Variants in CUL3 observed in about 807,000 individuals in gnomAD.
CUL3 encodes the protein cullin 3, also known as cullin-3.
In CUL3, 19 loss-of-function variants were observed where a neutral mutation model predicts 89.1. The observed-to-expected ratio is 0.21, with a 90% CI of 0.15 to 0.31. The LOEUF is 0.31. Ranked by LOEUF, CUL3 falls within the 10% of genes least tolerant of loss-of-function variation. The pLI, the probability that CUL3 is intolerant of heterozygous loss-of-function variation, is 1.00. For missense variants in CUL3, 469 were observed against 942.3 expected (o/e 0.50, Z 6.58); for synonymous variants, 351 against 308.4 (o/e 1.14, Z -1.45).
In CUL3 at chr2:224,528,444, A is replaced by G. The variant is rs1489680131; in HGVS notation, c.378+7084T>C. ...CCAGGATAATCTCATCTAAAAATCCATAACATAATCACATCTGCAAAGTCC... is the reference window on the plus strand; with the variant it reads ...CCAGGATAATCTCATCTAAAAATCCGTAACATAATCACATCTGCAAAGTCC... On this transcript the variant is annotated intron_variant, in intron 3 of 15. Coordinates refer to ENST00000264414, the MANE Select transcript of CUL3 (RefSeq NM_003590.5). Among the ~76,000 whole-genome samples the G allele has an allele frequency of 2.0e-5, 3 of 152,224 alleles. No homozygotes were observed. The East Asian group carries it at 5.8e-4, about 29-fold the overall frequency.
intron 3 of CUL3, among the ~76,000 whole-genome samples, chr2:224,532,053 T>G (rs909286798): frequency 2.0e-5 from 3 of 152,226 alleles, no homozygotes; most frequent in African/African-American, 7.2e-5. Context: ...GGTTTCAGTA[T>G]GATAGTGATT....
intron 6 of CUL3, among the ~76,000 whole-genome samples, chr2:224,509,219 C>T (rs1424010042): frequency 2.6e-5 from 4 of 151,954 alleles, no homozygotes; most frequent in African/African-American, 9.7e-5. Flanking sequence ...AACCCCCCCA[C>T]CTTTTTTTTC....
chr2:224,482,894 ATCTG>A (rs1167721314), intron 13 of CUL3, among the ~76,000 whole-genome samples: 1 of 152,164 alleles, frequency 6.6e-6, no homozygotes, highest in Non-Finnish European at 1.5e-5. Flanking sequence ...GTATACAGCT[ATCTG>A]TCTCTTTCTC....
chr2:224,557,523 T>G (rs1024139347), intron 2 of CUL3, 136 bp downstream of exon 2: 39 of 143,074 alleles, frequency 2.7e-4, no homozygotes, highest in Non-Finnish European at 2.6e-4. Flanking sequence ...TGAGTGCTTA[T>G]TAACAGTCAC....
intron 1 of CUL3, among the ~76,000 whole-genome samples, chr2:224,574,616 GC>G (rs1695258719): frequency 6.6e-6 from 1 of 152,110 alleles, no homozygotes; most frequent in Non-Finnish European, 1.5e-5. Context: ...CACTTCCTAG[GC>G]CTCCTGGGTC....
chr2:224,486,262 GTT>G (rs1168522563), intron 13 of CUL3, among the ~76,000 whole-genome samples: 1 of 152,156 alleles, frequency 6.6e-6, no homozygotes, highest in African/African-American at 2.4e-5. Flanking sequence ...TGGAGAATGA[GTT>G]TGACAAACTG....
At chr2:224,505,889 A>T in intron 8 of CUL3, 67 bp downstream of exon 8, 2 of 1,070,096 alleles carry the variant, frequency 1.9e-6, no homozygotes, top group Non-Finnish European at 2.6e-6. Flanking sequence ...GAAATGTCCT[A>T]ATTTTACATA....
chr2:224,526,817 C>T (rs904479466), intron 3 of CUL3, among the ~76,000 whole-genome samples: 1 of 74,574 alleles, frequency 1.3e-5, no homozygotes. Flanking sequence ...ACTAAGTCTC[C>T]AAAAAAAAAA....
At chr2:224,496,084 G>T in intron 12 of CUL3, 118 bp from the exon 13 acceptor site, 1 of 1,104,050 alleles carries the variant, frequency 9.1e-7, no homozygotes, top group Non-Finnish European at 1.3e-6. Flanking sequence ...AGGCTACAGT[G>T]CAGTGGCGCA....
intron 13 of CUL3, among the ~76,000 whole-genome samples, chr2:224,488,470 A>G (rs529081787): frequency 6.6e-6 from 1 of 152,344 alleles, no homozygotes; most frequent in African/African-American, 2.4e-5. Flanking sequence ...AACTACCATC[A>G]GGGAATACTA....
Position 224,472,113 on chromosome 2 carries a change from A to C in CUL3, c.*2132T>G. On this transcript the variant is annotated 3_prime_UTR_variant, in exon 16 of 16. Transcript: ENST00000264414. Reference sequence around the variant, plus strand: ...TTCAGTGCAGCATCACATCGCCAGCAATCTCCAACCATTCAACTGCAATTC... The same window carrying C: ...TTCAGTGCAGCATCACATCGCCAGCCATCTCCAACCATTCAACTGCAATTC... The C allele has an allele frequency of 4.3e-6, 1 of 229,902 alleles. No individual in the cohort carries two copies. 14.2% of individuals were successfully genotyped at this position (229,902 alleles called of 1,614,324 possible). A position where few individuals can be genotyped will look rare whatever the true frequency, so the allele number is the denominator to read the frequency against.
At chr2:224,563,527 T>C (rs1694966662) in intron 1 of CUL3, among the ~76,000 whole-genome samples, 1 of 152,184 alleles carries the variant, frequency 6.6e-6, no homozygotes, top group Non-Finnish European at 1.5e-5. Context: ...GAAGATAAAC[T>C]ACAACAGTCC....
At chr2:224,574,840 A>G (rs563782869) in intron 1 of CUL3, among the ~76,000 whole-genome samples, 11 of 152,350 alleles carry the variant, frequency 7.2e-5, no homozygotes, top group Non-Finnish European at 1.5e-4. Flanking sequence ...AAACAAACTT[A>G]AAGAGTCTGT....
In CUL3 at chr2:224,585,098, C is replaced by G. The variant is rs1460387352; in HGVS notation, c.-89G>C. Reference sequence around the variant, plus strand: ...AGGCGGGCAGGCAGGCTAGGGGCGACGCTGGGGGCGGCGGCGGCGCGACCC... The same window carrying G: ...AGGCGGGCAGGCAGGCTAGGGGCGAGGCTGGGGGCGGCGGCGGCGCGACCC... On this transcript the variant is annotated 5_prime_UTR_variant, in exon 1 of 16. Transcript: ENST00000264414. 9.3e-7 allele frequency: 1 copy of G among 1,080,878 alleles called. No homozygotes were observed. The highest frequency in any genetic ancestry group is 1.2e-6 in the Non-Finnish European group (1 of 814,836). The allele number at this position is 1,080,878 out of a possible 1,614,324, so 67.0% of individuals were successfully genotyped here.
intron 1 of CUL3, 129 bp from the exon 2 acceptor site, chr2:224,557,985 A>T (rs950781480): frequency 1.4e-5 from 8 of 567,028 alleles, no homozygotes; most frequent in African/African-American, 5.6e-5. Flanking sequence ...AATCTATGAC[A>T]CATAAGAACA....
At chr2:224,578,645 C>T (rs1695366012) in intron 1 of CUL3, among the ~76,000 whole-genome samples, 1 of 152,080 alleles carries the variant, frequency 6.6e-6, no homozygotes, top group African/African-American at 2.4e-5. Flanking sequence ...CATGTGTTAA[C>T]TCAGTGATTT....
At chr2:224,527,631 C>T (rs1247267988) in intron 3 of CUL3, among the ~76,000 whole-genome samples, 2 of 152,150 alleles carry the variant, frequency 1.3e-5, no homozygotes, top group Admixed American at 6.5e-5. Context: ...TATAAGCAAA[C>T]CTTGAACCTC....
At chr2:224,504,562 C>A (rs1375025308) in intron 8 of CUL3, among the ~76,000 whole-genome samples, 2 of 152,204 alleles carry the variant, frequency 1.3e-5, no homozygotes, top group Non-Finnish European at 2.9e-5. Context: ...GCCGCCTTTG[C>A]CTCCCAAAGT....
chr2:224,517,650 A>G (rs1268473876), intron 3 of CUL3, among the ~76,000 whole-genome samples: 2 of 152,240 alleles, frequency 1.3e-5, no homozygotes, highest in African/African-American at 4.8e-5. Context: ...TGGATGACAC[A>G]GCAAGACCCC....
Sources: gnomAD v4.1 joint callset for allele counts (sites outside exome capture counted in the v4.1 genomes callset) on GRCh38, gnomAD v4.1.1 for gene constraint, MANE v1.5 for transcripts, NCBI Gene and HGNC (gene_info 2026-07-23, HGNC 2026-07-21) for gene names.